The following DIAPH1 variants were observed in gnomAD, a reference collection of about 807,000 sequenced individuals.
The protein encoded by DIAPH1 is diaphanous related formin 1.
DIAPH1 carries 46 observed loss-of-function variants against 140.7 expected under a neutral mutation model. The ratio of observed to expected loss-of-function variants is 0.33; its 90% CI spans 0.26 to 0.42. DIAPH1 has a LOEUF of 0.42. Among genes scored for constraint, DIAPH1 ranks in the 10% least tolerant of loss-of-function variants. DIAPH1 has a pLI of 1.00. For missense variants in DIAPH1, 1,310 were observed against 1,558.7 expected (o/e 0.84, Z 2.69); for synonymous variants, 565 against 551.6 (o/e 1.02, Z -0.34).
intron 27 of DIAPH1, among the ~76,000 whole-genome samples, chr5:141,517,535 G>A (rs749585832): frequency 1.3e-5 from 2 of 152,172 alleles, no homozygotes; most frequent in Non-Finnish European, 2.9e-5. Context: ...CAGCAGCCAC[G>A]CACTGACACC....
In DIAPH1 at chr5:141,587,162, C is replaced by T. The variant is rs751683632; in HGVS notation, c.180G>A (p.Glu60=). 23 of 1,614,140 alleles carry T rather than the reference C, an allele frequency of 1.4e-5. No homozygotes were observed. The highest frequency in any genetic ancestry group is 1.8e-5 in the Non-Finnish European group (21 of 1,180,004). ...ERFTSMRIKK[E]KEKPNSAHRN... ...TATGAGCAGAATTGGGCTTTTCCTT[C>T]TCCTTCTTAATTCTCATGCTGGTAA... The change falls in exon 3 of 28, where the codon GAG becomes GAA. Residue 60 remains glutamate (E), a synonymous_variant. Transcript: ENST00000389054.
At chr5:141,525,268 C>G (rs918518703) in intron 26 of DIAPH1, among the ~76,000 whole-genome samples, 2 of 152,164 alleles carry the variant, frequency 1.3e-5, no homozygotes, top group East Asian at 1.9e-4. Context: ...AACTCAGCAG[C>G]TCTGTGAACA....
At position 141,528,872 on chromosome 5, in the gene DIAPH1, C is replaced by A; in HGVS notation, c.2848G>T (p.Val950Leu). 6.2e-7 allele frequency: 1 copy of A among 1,614,256 alleles called. No individual in the cohort carries two copies. Among genetic ancestry groups the A allele is most frequent in the Non-Finnish European group, 8.5e-7 (1 of 1,180,054 alleles). ...ACAATCTCTGGCTTGATATTCTCCA[C>A]TTGCTCGCTGAATTGTAGCTTGAAG... ...ILFKLQFSEQ[V>L]ENIKPEIVSV... is the part of the protein sequence containing the mutation. The change falls in exon 22 of 28, where the codon GTG becomes TTG. Residue 950 changes from valine (V) to leucine (L), a missense_variant. Transcript: ENST00000389054.
At chr5:141,574,942 T>C in intron 15 of DIAPH1, 25 bp downstream of exon 15, 1 of 1,613,994 alleles carries the variant, frequency 6.2e-7, no homozygotes, top group Non-Finnish European at 8.5e-7. Flanking sequence ...TACAGGTCAT[T>C]CTGCCTTCCC....
intron 1 of DIAPH1, among the ~76,000 whole-genome samples, chr5:141,610,171 G>A (rs1407039570): frequency 1.3e-5 from 2 of 151,792 alleles, no homozygotes; most frequent in Non-Finnish European, 2.9e-5. Flanking sequence ...TTGGAGTCTC[G>A]CTCTGTCGCC....
intron 18 of DIAPH1, among the ~76,000 whole-genome samples, chr5:141,555,903 G>T (rs1395863261): frequency 1.3e-5 from 2 of 152,118 alleles, no homozygotes; most frequent in African/African-American, 4.8e-5. Context: ...TAGACATGGG[G>T]CCAATCTAGT....
At position 141,526,384 on chromosome 5, in the gene DIAPH1, C is replaced by A; in HGVS notation, c.3351G>T (p.Glu1117Asp). 6.2e-7 allele frequency: 1 copy of A among 1,614,166 alleles called. No homozygotes were observed. The highest frequency in any genetic ancestry group is 1.3e-5 in the African/African-American group (1 of 75,042). Residue 1117 changes from glutamate (E) to aspartate (D), a missense_variant, in exon 25 of 28, where the codon GAG becomes GAT. This residue lies in a region of DIAPH1 where 344 missense variants were observed against 512.2 expected (regional missense o/e 0.67). Transcript: ENST00000389054. ...GGTCAAAGAGGAAGTACTCGCCCAG[C>A]TCCTTATAGAGGGTCTCCATGTTAG... Reference protein sequence around the residue: ...MHSNMETLYKELGEYFLFDPK... With the variant: ...MHSNMETLYKDLGEYFLFDPK...
intron 1 of DIAPH1, among the ~76,000 whole-genome samples, chr5:141,607,288 T>C (rs549003683): frequency 1.3e-5 from 2 of 152,348 alleles, no homozygotes; most frequent in South Asian, 2.1e-4. Flanking sequence ...TGGCATTACC[T>C]ATCTGAGCCC....
In DIAPH1 at chr5:141,580,860, C is replaced by T; in HGVS notation, c.708G>A (p.Glu236=). The change falls in exon 8 of 28, where the codon GAG becomes GAA. Residue 236 remains glutamate (E), a synonymous_variant. Transcript: ENST00000389054. Reference sequence around the variant, plus strand: ...CCAGCAGTAGGATTCCTTCTTCTGTCTCCAACATGGTCTTGATTCCAAACT... The same window carrying T: ...CCAGCAGTAGGATTCCTTCTTCTGTTTCCAACATGGTCTTGATTCCAAACT... ...NNKFGIKTML[E]TEEGILLLVR... is the part of the protein sequence containing the mutation. 1 of 1,614,192 alleles carries T rather than the reference C, an allele frequency of 6.2e-7. No homozygotes were observed. Among genetic ancestry groups the T allele is most frequent in the Non-Finnish European group, 8.5e-7 (1 of 1,180,030 alleles).
At chr5:141,608,489 C>G (rs992393356) in intron 1 of DIAPH1, among the ~76,000 whole-genome samples, 2 of 152,182 alleles carry the variant, frequency 1.3e-5, no homozygotes, top group African/African-American at 4.8e-5. Flanking sequence ...TTTTCTATCC[C>G]TCTTTTATAG....
chr5:141,610,096 G>A (rs1003598796), intron 1 of DIAPH1, among the ~76,000 whole-genome samples: 2 of 152,088 alleles, frequency 1.3e-5, no homozygotes, highest in African/African-American at 2.4e-5. Context: ...CTAGGAGTTC[G>A]AGACCAGCCT....
Position 141,587,023 on chromosome 5 carries a change from T to C in DIAPH1, c.300+19A>G. 6.2e-7 allele frequency: 1 copy of C among 1,613,958 alleles called. No homozygotes were observed. The highest frequency in any genetic ancestry group is 8.5e-7 in the Non-Finnish European group (1 of 1,179,910). ...TAAATGCACAGGAAGAAGCAACATT[T>C]TGGGAATGGGAAACTTACCAGCATC... On this transcript the variant is annotated intron_variant, in intron 3 of 27. Transcript: ENST00000389054.
chr5:141,559,335 C>G (rs1231349451), intron 18 of DIAPH1, among the ~76,000 whole-genome samples: 1 of 152,148 alleles, frequency 6.6e-6, no homozygotes, highest in Middle Eastern at 3.2e-3. Context: ...TAGCAGTTAT[C>G]CCTGCCCAAA....
intron 1 of DIAPH1, among the ~76,000 whole-genome samples, chr5:141,595,790 C>T (rs1383441611): frequency 3.3e-5 from 5 of 152,178 alleles, no homozygotes; most frequent in Middle Eastern, 3.2e-3. Context: ...CGGATTGATA[C>T]ACCATGCACG....
intron 27 of DIAPH1, among the ~76,000 whole-genome samples, chr5:141,517,295 A>C (rs1335374833): frequency 6.6e-6 from 1 of 152,244 alleles, no homozygotes; most frequent in African/African-American, 2.4e-5. Flanking sequence ...ACTGGGCTGA[A>C]GTGTTAGCTA....
At chr5:141,536,176 C>G in intron 18 of DIAPH1, 1 of 339,118 alleles carries the variant, frequency 2.9e-6, no homozygotes. Context: ...GTGGCGCGCA[C>G]CTGTAGTCCC....
Position 141,515,149 on chromosome 5 carries a change from T to G in DIAPH1, c.*1702A>C, listed in dbSNP as rs981429550. The G allele has an allele frequency of 6.6e-6, 1 of 152,052 alleles. No homozygotes were observed. The highest frequency in any genetic ancestry group is 1.5e-5 in the Non-Finnish European group (1 of 67,906). 9.4% of individuals were successfully genotyped at this position (152,052 alleles called of 1,614,324 possible). A position where few individuals can be genotyped will look rare whatever the true frequency, so the allele number is the denominator to read the frequency against. On this transcript the variant is annotated 3_prime_UTR_variant, in exon 28 of 28. Transcript: ENST00000389054. ...CCCTCACACCTCTCTCTCTCTCTCT[T>G]TTTTTTTATTAAATGCATCTTAGCA...
At chr5:141,527,726 TA>T in intron 23 of DIAPH1, 29 bp from the exon 24 acceptor site, 1 of 1,291,028 alleles carries the variant, frequency 7.7e-7, no homozygotes, top group South Asian at 1.3e-5. Flanking sequence ...AAAAAAACCA[TA>T]AAAACAGACA....
In DIAPH1 at chr5:141,600,443, G is replaced by A. The variant is rs144700981; in HGVS notation, c.118-12193C>T. Among the ~76,000 whole-genome samples, 344 of 152,306 alleles carry A rather than the reference G, an allele frequency of 2.3e-3. 2 individuals are homozygous for A. Among genetic ancestry groups the A allele is most frequent in the African/African-American group, 7.4e-3 (308 of 41,564 alleles). ...TAATAAGTGTGTTTGTTTTAAGCTA[G>A]TAAGTTTGGGGTGATGTTATAAGCA... On this transcript the variant is annotated intron_variant, in intron 1 of 27. Coordinates refer to ENST00000389054, the MANE Select transcript of DIAPH1 (RefSeq NM_005219.5).
Sources: allele counts gnomAD v4.1 joint callset (sites outside exome capture counted in the v4.1 genomes callset), GRCh38; gene constraint gnomAD v4.1.1; regional missense constraint gnomAD v4.1.1; transcripts MANE v1.5; gene names NCBI Gene and HGNC (gene_info 2026-07-23, HGNC 2026-07-21).